CACNA1C: variants seen among roughly 807,000 people sequenced by gnomAD.
CACNA1C encodes voltage-dependent L-type calcium channel subunit alpha-1C.
A neutral mutation model predicts 229.0 loss-of-function variants in CACNA1C; 30 were observed. The ratio of observed to expected loss-of-function variants is 0.13; its 90% confidence interval spans 0.10 to 0.18. CACNA1C has a LOEUF of 0.18. Ranked by LOEUF, CACNA1C falls within the 10% of genes least tolerant of loss-of-function variation. CACNA1C has a pLI of 1.00. For synonymous variants in CACNA1C, 1,114 were observed against 1,132.5 expected, an observed-to-expected ratio of 0.98 and a Z score of 0.33; for missense variants, 1,658 against 2,845.0, an observed-to-expected ratio of 0.58 and a Z score of 9.49.
At chr12:2,004,163 C>T (rs2042845790) in intron 1 of CACNA1C, 3 of 1,447,416 alleles carry the variant, frequency 2.1e-6, no homozygotes, top group African/African-American at 1.4e-5. Flanking sequence ...TCCCCAGATC[C>T]ACCCACTTCC....
chr12:2,607,019 A>G lies in CACNA1C; in HGVS notation c.3245A>G (p.Asp1082Gly), dbSNP rs1161725054. Residue 1082 changes from aspartate to glycine, a missense_variant, in exon 26 of 47, where the codon GAC (aspartate) becomes GGC (glycine). Coordinates refer to ENST00000399655, the MANE Select transcript of CACNA1C (RefSeq NM_000719.7). ...NYITYKDGEV[D>G]HPIIQPRSWE... ...ATCACGTACAAAGACGGGGAGGTTGACCACCCCATCATCCAACCCCGCAGC... is the reference window on the plus strand; with the variant it reads ...ATCACGTACAAAGACGGGGAGGTTGGCCACCCCATCATCCAACCCCGCAGC... The G allele has an allele frequency of 6.2e-7, 1 of 1,613,832 alleles. No homozygotes were observed. Among genetic ancestry groups the G allele is most frequent in the African/African-American group, 1.3e-5 (1 of 74,894 alleles).
intron 29 of CACNA1C, among the ~76,000 whole-genome samples, chr12:2,626,580 G>C (rs2086707059): frequency 6.6e-6 from 1 of 152,156 alleles, no homozygotes; most frequent in Non-Finnish European, 1.5e-5. Flanking sequence ...CCATGTGTCT[G>C]CCTAGCCTTA....
Position 2,361,344 on chromosome 12 carries a change from G to A in CACNA1C, c.478-87632G>A, listed in dbSNP as rs140016686. On this transcript the variant is annotated intron_variant, in intron 3 of 46. Coordinates refer to ENST00000399655, the MANE Select transcript of CACNA1C (RefSeq NM_000719.7). Reference sequence around the variant, plus strand: ...CTGATTTGGGGCACATTGCTACCTAGACTGTAATAGACTTTCCAGTGTCCT... The same window carrying A: ...CTGATTTGGGGCACATTGCTACCTAAACTGTAATAGACTTTCCAGTGTCCT... 7.4e-4 allele frequency among the ~76,000 whole-genome samples: 112 copies of A among 152,250 alleles called. No individual in the cohort carries two copies. The East Asian group carries it at 0.019, about 25-fold the overall frequency.
At chr12:2,303,301 G>A (rs188505964) in intron 3 of CACNA1C, among the ~76,000 whole-genome samples, 13 of 152,268 alleles carry the variant, frequency 8.5e-5, no homozygotes, top group Admixed American at 5.9e-4. Flanking sequence ...CTGGAGGCTG[G>A]AGATCTGAGA....
At chr12:2,359,565 A>G (rs1032100204) in intron 3 of CACNA1C, among the ~76,000 whole-genome samples, 3 of 151,018 alleles carry the variant, frequency 2.0e-5, no homozygotes, top group Admixed American at 6.6e-5. Context: ...TAAATCTCAC[A>G]AGACACAAAC....
At chr12:2,157,022 C>T (rs573350081) in intron 3 of CACNA1C, among the ~76,000 whole-genome samples, 1 of 152,312 alleles carries the variant, frequency 6.6e-6, no homozygotes, top group East Asian at 1.9e-4. Context: ...AAACTTGCAG[C>T]TCACAACCTC....
At position 2,552,365 on chromosome 12, in the gene CACNA1C, C is replaced by T. The variant is rs757609579; in HGVS notation, c.1481+2332C>T. On this transcript the variant is annotated intron_variant, in intron 10 of 46. Transcript: ENST00000399655. Reference sequence around the variant, plus strand: ...TATGAAGGAAAAGTAAGTGTAAAGTCGGGCTAATAACAAAGGTTTCTAATT... The same window carrying T: ...TATGAAGGAAAAGTAAGTGTAAAGTTGGGCTAATAACAAAGGTTTCTAATT... 3.6e-4 allele frequency among the ~76,000 whole-genome samples: 55 copies of T among 152,152 alleles called. 1 individual carries two copies. Among genetic ancestry groups the T allele is most frequent in the Non-Finnish European group, 7.8e-4 (53 of 68,038 alleles).
intron 3 of CACNA1C, among the ~76,000 whole-genome samples, chr12:2,338,750 G>GCCA (rs2096776375): frequency 6.6e-6 from 1 of 152,158 alleles, no homozygotes. Context: ...AGGAGCCTTG[G>GCCA]AGGAGGTGCC....
chr12:2,661,540 A>G (rs539569656), intron 34 of CACNA1C, among the ~76,000 whole-genome samples: 62 of 152,264 alleles, frequency 4.1e-4, no homozygotes, highest in African/African-American at 1.5e-3. Context: ...AAGGTTCAAT[A>G]TTTTTATTTG....
At chr12:2,065,078 G>C (rs546702270) in intron 1 of CACNA1C, among the ~76,000 whole-genome samples, 104 of 152,268 alleles carry the variant, frequency 6.8e-4, no homozygotes, top group South Asian at 2.7e-3. Flanking sequence ...CTGCTCACAG[G>C]TGCCTCTGGG....
At chr12:2,184,738 C>T (rs1034100016) in intron 3 of CACNA1C, among the ~76,000 whole-genome samples, 1 of 152,152 alleles carries the variant, frequency 6.6e-6, no homozygotes, top group African/African-American at 2.4e-5. Flanking sequence ...AACTTAGGTT[C>T]TAATGAGGAA....
At chr12:2,142,243 G>A (rs924547449) in intron 3 of CACNA1C, among the ~76,000 whole-genome samples, 4 of 151,218 alleles carry the variant, frequency 2.6e-5, no homozygotes, top group African/African-American at 9.7e-5. Flanking sequence ...ATCAAGGACA[G>A]AGCACATGTA....
intron 11 of CACNA1C, among the ~76,000 whole-genome samples, chr12:2,558,512 C>T (rs533037117): frequency 7.0e-4 from 106 of 152,312 alleles, no homozygotes; most frequent in African/African-American, 2.4e-3. Flanking sequence ...CCTCACACTC[C>T]GTGAAGGAGC....
intron 3 of CACNA1C, among the ~76,000 whole-genome samples, chr12:2,228,945 T>C (rs896377785): frequency 1.3e-5 from 2 of 152,130 alleles, no homozygotes; most frequent in African/African-American, 4.8e-5. Flanking sequence ...TATGTGTGTG[T>C]GTGTGCATAT....
chr12:2,138,436 T>C (rs1641043156), intron 3 of CACNA1C, among the ~76,000 whole-genome samples: 1 of 151,002 alleles, frequency 6.6e-6, no homozygotes, highest in South Asian at 2.1e-4. Context: ...TGTACGCAGC[T>C]CACAGTGTGG....
chr12:2,224,970 G>A (rs575812104), intron 3 of CACNA1C, among the ~76,000 whole-genome samples: 32 of 152,122 alleles, frequency 2.1e-4, no homozygotes, highest in Non-Finnish European at 1.2e-4. Flanking sequence ...TTGCAGGACC[G>A]CAGAACTCAG....
intron 3 of CACNA1C, among the ~76,000 whole-genome samples, chr12:2,365,999 T>C (rs1420756443): frequency 6.6e-6 from 1 of 152,230 alleles, no homozygotes; most frequent in Non-Finnish European, 1.5e-5. Context: ...AAAGCATACA[T>C]GTCCTCCTCC....
At chr12:2,219,535 T>G (rs2060892953) in intron 3 of CACNA1C, among the ~76,000 whole-genome samples, 1 of 152,214 alleles carries the variant, frequency 6.6e-6, no homozygotes, top group Admixed American at 6.5e-5. Flanking sequence ...GAAGTATTTT[T>G]GGGGACTGTG....
chr12:2,270,538 T>C (rs189593232), intron 3 of CACNA1C, among the ~76,000 whole-genome samples: 6 of 151,984 alleles, frequency 3.9e-5, no homozygotes, highest in African/African-American at 1.4e-4. Context: ...AGAACACGAG[T>C]AGTCTCTTTG....
Sources: gnomAD v4.1 joint callset for allele counts (sites outside exome capture counted in the v4.1 genomes callset) on GRCh38, gnomAD v4.1.1 for gene constraint, MANE v1.5 for transcripts, NCBI Gene and HGNC (gene_info 2026-07-23, HGNC 2026-07-21) for gene names.